The following MBOAT1 variants were observed in gnomAD, a reference collection of about 807,000 sequenced individuals.
MBOAT1 encodes membrane-bound glycerophospholipid O-acyltransferase 1.
MBOAT1 carries 67 observed loss-of-function variants against 64.4 expected under a neutral mutation model. The observed-to-expected ratio is 1.04, with a 90% confidence interval of 0.85 to 1.27. The LOEUF is 1.27. Ranked by LOEUF, MBOAT1 falls within the 50% of genes most tolerant of loss-of-function variation. MBOAT1 has a pLI of 0.00. For synonymous variants in MBOAT1, 229 were observed against 218.9 expected (o/e 1.05, Z -0.41); for missense variants, 563 against 604.6 (o/e 0.93, Z 0.72).
chr6:20,206,380 G>T (rs2113777541), intron 1 of MBOAT1, among the ~76,000 whole-genome samples: 1 of 152,232 alleles, frequency 6.6e-6, no homozygotes, highest in Admixed American at 6.5e-5. Flanking sequence ...CGCCATGTTG[G>T]CCAGGCTGGT....
intron 12 of MBOAT1, 146 bp from the exon 13 acceptor site, chr6:20,102,558 G>T: frequency 1.6e-6 from 1 of 623,948 alleles, no homozygotes; most frequent in Non-Finnish European, 2.7e-6. Flanking sequence ...CCCTCAATCT[G>T]CTCCACAGAT....
At chr6:20,118,082 A>G (rs1402417144) in intron 9 of MBOAT1, among the ~76,000 whole-genome samples, 2 of 152,220 alleles carry the variant, frequency 1.3e-5, no homozygotes, top group Non-Finnish European at 1.5e-5. Flanking sequence ...CTTCCAGTCT[A>G]CATTCGTCAC....
intron 1 of MBOAT1, among the ~76,000 whole-genome samples, chr6:20,183,683 G>T (rs759219361): frequency 1.7e-4 from 26 of 152,240 alleles, no homozygotes; most frequent in Non-Finnish European, 3.4e-4. Flanking sequence ...GAACAGTTGT[G>T]ACTGCACAAA....
intron 1 of MBOAT1, among the ~76,000 whole-genome samples, chr6:20,198,250 A>G (rs1247868586): frequency 6.6e-6 from 1 of 151,612 alleles, no homozygotes; most frequent in Non-Finnish European, 1.5e-5. Flanking sequence ...AAAGAAAGAA[A>G]GAAAAAAGAA....
chr6:20,102,175 T>C lies in MBOAT1; in HGVS notation c.*111A>G. On this transcript the variant is annotated 3_prime_UTR_variant, in exon 13 of 13. Transcript: ENST00000324607. ...CCCTGCACTTTAAAAAAGAACAAAA[T>C]AAAGATGCATGTAAACATCGCCTCT... 2.0e-6 allele frequency: 1 copy of C among 488,912 alleles called. No individual in the cohort carries two copies. The highest frequency in any genetic ancestry group is 3.0e-6 in the Non-Finnish European group (1 of 334,982). 30.3% of individuals were successfully genotyped at this position (488,912 alleles called of 1,614,324 possible).
At chr6:20,157,882 G>A (rs1761740956) in intron 1 of MBOAT1, among the ~76,000 whole-genome samples, 1 of 152,088 alleles carries the variant, frequency 6.6e-6, no homozygotes, top group Non-Finnish European at 1.5e-5. Context: ...GAGCCAGCCC[G>A]CAGTGGCTCA....
chr6:20,105,737 G>T (rs187535663), intron 12 of MBOAT1, among the ~76,000 whole-genome samples: 76 of 152,214 alleles, frequency 5.0e-4, no homozygotes, highest in African/African-American at 1.7e-3. Flanking sequence ...GATCACAATC[G>T]CGCCACTGCA....
intron 2 of MBOAT1, among the ~76,000 whole-genome samples, chr6:20,152,149 C>T (rs1282495224): frequency 9.2e-5 from 14 of 151,644 alleles, no homozygotes; most frequent in African/African-American, 2.9e-4. Flanking sequence ...GGTGAAACCC[C>T]GTCTCTACTA....
At chr6:20,191,413 C>G (rs11969094) in intron 1 of MBOAT1, among the ~76,000 whole-genome samples, 76,801 of 152,126 alleles carry the variant, frequency 0.5, 20,203 homozygotes, top group Non-Finnish European at 0.57. Context: ...AAGGCTTTCT[C>G]TAGTTTAACA....
chr6:20,165,761 T>C (rs1387641555), intron 1 of MBOAT1, among the ~76,000 whole-genome samples: 4 of 146,510 alleles, frequency 2.7e-5, no homozygotes, highest in Non-Finnish European at 6.0e-5. Context: ...AAAAAAAGAA[T>C]AGGGAAACCA....
intron 4 of MBOAT1, among the ~76,000 whole-genome samples, chr6:20,135,655 C>G (rs1760969123): frequency 6.6e-6 from 1 of 152,164 alleles, no homozygotes; most frequent in African/African-American, 2.4e-5. Context: ...ACCAATCACA[C>G]GTCTGGCTGG....
In MBOAT1 at chr6:20,112,916, G is replaced by A. The variant is rs775107568; in HGVS notation, c.1169C>T (p.Thr390Ile). The change falls in exon 11 of 13, where the codon ACC becomes ATC. Residue 390 changes from threonine to isoleucine, a missense_variant. Physicochemically the swap from Thr to Ile is moderately conservative, Grantham distance 89. Transcript: ENST00000324607. ...TGTGACAAGAATTCCAGTTAAGAAG[G>A]TAAAATAGTATCCAGGGTAGACACC... is the stretch of plus-strand genomic sequence containing the variant. ...WHGVYPGYYF[T>I]FLTGILVTLA... is the part of the protein sequence containing the mutation. 7.4e-6 allele frequency: 12 copies of A among 1,613,956 alleles called. No homozygotes were observed. Among genetic ancestry groups the A allele is most frequent in the African/African-American group, 1.3e-5 (1 of 74,892 alleles).
intron 1 of MBOAT1, among the ~76,000 whole-genome samples, chr6:20,199,778 G>C (rs1031736090): frequency 6.6e-6 from 1 of 152,146 alleles, no homozygotes; most frequent in African/African-American, 2.4e-5. Context: ...GACCAGCCTG[G>C]CCAACATGGT....
Position 20,152,613 on chromosome 6 carries a change from C to T in MBOAT1, c.245+11G>A, listed in dbSNP as rs747317041. On this transcript the variant is annotated intron_variant, in intron 2 of 12. Transcript: ENST00000324607. Reference sequence around the variant, plus strand: ...ATGACCAATATTAGAATATATGAGGCTCATACTCACCAGCCGAAACAAAAG... The same window carrying T: ...ATGACCAATATTAGAATATATGAGGTTCATACTCACCAGCCGAAACAAAAG... 3.1e-6 allele frequency: 5 copies of T among 1,606,134 alleles called. No homozygotes were observed. The African/African-American group carries it at 6.7e-5, about 22-fold the overall frequency.
At chr6:20,125,615 C>G (rs1447272126) in intron 7 of MBOAT1, among the ~76,000 whole-genome samples, 1 of 152,210 alleles carries the variant, frequency 6.6e-6, no homozygotes, top group Non-Finnish European at 1.5e-5. Context: ...CAGATACTGC[C>G]TAGAAATGCT....
chr6:20,168,590 GGAGAGAAA>G (rs1320521157), intron 1 of MBOAT1, among the ~76,000 whole-genome samples: 1 of 84,548 alleles, frequency 1.2e-5, no homozygotes, highest in African/African-American at 5.3e-5. Flanking sequence ...AGAGAGAGAG[GGAGAGAAA>G]GAGAGAAGAG....
At chr6:20,117,453 A>G (rs1338148118) in intron 9 of MBOAT1, among the ~76,000 whole-genome samples, 3 of 152,160 alleles carry the variant, frequency 2.0e-5, no homozygotes, top group Non-Finnish European at 4.4e-5. Context: ...AAGTGAAAAT[A>G]TAATCCTCCC....
intron 1 of MBOAT1, among the ~76,000 whole-genome samples, chr6:20,174,343 A>C (rs1762283226): frequency 6.6e-6 from 1 of 152,218 alleles, no homozygotes; most frequent in Non-Finnish European, 1.5e-5. Context: ...GGTGTAACCT[A>C]CTGCATACCT....
chr6:20,208,275 G>A (rs191066009), intron 1 of MBOAT1, among the ~76,000 whole-genome samples: 48 of 151,768 alleles, frequency 3.2e-4, no homozygotes, highest in Non-Finnish European at 4.1e-4. Flanking sequence ...GTGAAACCCC[G>A]CCTCTACTAA....
Sources: allele counts gnomAD v4.1 joint callset (sites outside exome capture counted in the v4.1 genomes callset), GRCh38; gene constraint gnomAD v4.1.1; transcripts MANE v1.5; gene names NCBI Gene and HGNC (gene_info 2026-07-23, HGNC 2026-07-21).